ELK3: variants seen among roughly 807,000 people sequenced by gnomAD.
The protein encoded by ELK3 is ETS domain-containing protein Elk-3.
ELK3 carries 10 observed loss-of-function variants against 28.9 expected under a neutral mutation model. The observed-to-expected ratio is 0.35, with a 90% CI of 0.21 to 0.59. The LOEUF (loss-of-function observed/expected upper bound fraction) is 0.59. Among genes scored for constraint, ELK3 ranks in the 20% least tolerant of loss-of-function variants. The pLI is 0.82. For missense variants in ELK3, 463 were observed against 517.3 expected (o/e 0.90, Z 1.02); for synonymous variants, 272 against 243.5 (o/e 1.12, Z -1.09).
chr12:96,213,188 T>G (rs1592672537), intron 1 of ELK3, among the ~76,000 whole-genome samples: 1 of 152,248 alleles, frequency 6.6e-6, no homozygotes, highest in Admixed American at 6.5e-5. Flanking sequence ...GCCATGCTTT[T>G]TCCACACACC....
intron 2 of ELK3, among the ~76,000 whole-genome samples, chr12:96,230,799 G>A (rs1592680232): frequency 6.6e-6 from 1 of 152,238 alleles, no homozygotes; most frequent in Non-Finnish European, 1.5e-5. Context: ...ATCTACAGTT[G>A]TGCGGAGTGC....
intron 3 of ELK3, among the ~76,000 whole-genome samples, chr12:96,249,488 G>C (rs1379329141): frequency 6.6e-6 from 1 of 152,116 alleles, no homozygotes; most frequent in African/African-American, 2.4e-5. Flanking sequence ...AGTGACCAAG[G>C]GCTGCTGAGC....
chr12:96,195,895 A>ACCCT (rs1165590261), intron 1 of ELK3, among the ~76,000 whole-genome samples: 12 of 50,938 alleles, frequency 2.4e-4, no homozygotes, highest in South Asian at 8.4e-4. Flanking sequence ...GCCCCCTCCC[A>ACCCT]CCCTCCCTCA....
intron 1 of ELK3, among the ~76,000 whole-genome samples, chr12:96,209,730 T>C (rs1951564053): frequency 6.6e-6 from 1 of 152,188 alleles, no homozygotes; most frequent in African/African-American, 2.4e-5. Flanking sequence ...GTTCCATCCT[T>C]ATTATAAAGA....
At chr12:96,215,425 CAG>C (rs964157480) in intron 1 of ELK3, among the ~76,000 whole-genome samples, 4 of 152,216 alleles carry the variant, frequency 2.6e-5, no homozygotes, top group South Asian at 2.1e-4. Context: ...TTTTCGGTGA[CAG>C]AGGCAGGAGG....
intron 1 of ELK3, chr12:96,213,794 C>T (rs1951592018): frequency 6.6e-6 from 1 of 151,912 alleles, no homozygotes; most frequent in African/African-American, 2.4e-5. Flanking sequence ...GATGTGATCA[C>T]AGCTCACTGC....
chr12:96,253,811 T>C (rs1383652835), intron 3 of ELK3, among the ~76,000 whole-genome samples: 1 of 152,248 alleles, frequency 6.6e-6, no homozygotes, highest in African/African-American at 2.4e-5. Flanking sequence ...TTATCATGTA[T>C]TCATTCATTT....
rs535078709 is a variant in ELK3, at chr12:96,266,737, T to C, written c.1126-345T>C. Reference sequence around the variant, plus strand: ...TCTTTTAATATTTAATATTAAACATTATTTTAATATTTATAGCATTATCAG... The same window carrying C: ...TCTTTTAATATTTAATATTAAACATCATTTTAATATTTATAGCATTATCAG... On this transcript the variant is annotated intron_variant, in intron 4 of 4. Transcript: ENST00000228741. Among the ~76,000 whole-genome samples the C allele has an allele frequency of 1.1e-4, 16 of 152,286 alleles. No homozygotes were observed. The South Asian group carries it at 3.3e-3, about 32-fold the overall frequency.
At chr12:96,232,313 G>A (rs530839066) in intron 2 of ELK3, among the ~76,000 whole-genome samples, 37 of 152,304 alleles carry the variant, frequency 2.4e-4, no homozygotes, top group African/African-American at 8.4e-4. Flanking sequence ...GCTCACGCCT[G>A]CAATCCCAGC....
At chr12:96,224,648 G>A (rs61938853) in intron 2 of ELK3, among the ~76,000 whole-genome samples, 2 of 152,214 alleles carry the variant, frequency 1.3e-5, no homozygotes, top group African/African-American at 2.4e-5. Context: ...TGGAAAAGCA[G>A]TTTTAATGTG....
At chr12:96,221,851 T>C (rs1592676673) in intron 1 of ELK3, among the ~76,000 whole-genome samples, 2 of 152,224 alleles carry the variant, frequency 1.3e-5, no homozygotes, top group East Asian at 3.9e-4. Context: ...GCCCTGTGGG[T>C]AATTGGAGAG....
chr12:96,238,091 T>G lies in ELK3; in HGVS notation c.208-8849T>G, dbSNP rs1013071246. On this transcript the variant is annotated intron_variant, in intron 2 of 4. Coordinates refer to ENST00000228741, the MANE Select transcript of ELK3 (RefSeq NM_005230.4). ...TGTGAGGCTAACATGAGATTTTGTG[T>G]GAGCCTTCTGTAAACTGTAAAGTAA... 2.0e-5 allele frequency among the ~76,000 whole-genome samples: 3 copies of G among 152,208 alleles called. No individual in the cohort carries two copies. The East Asian group carries it at 5.8e-4, about 29-fold the overall frequency.
At chr12:96,244,243 T>C (rs1254373903) in intron 2 of ELK3, among the ~76,000 whole-genome samples, 1 of 152,120 alleles carries the variant, frequency 6.6e-6, no homozygotes, top group Non-Finnish European at 1.5e-5. Flanking sequence ...TGCTGGTTGG[T>C]GGACAGGTGG....
chr12:96,221,769 T>C (rs1298400233), intron 1 of ELK3, among the ~76,000 whole-genome samples: 5 of 152,218 alleles, frequency 3.3e-5, no homozygotes, highest in Non-Finnish European at 7.3e-5. Context: ...GTGAAATGAC[T>C]GTCTTACAGA....
intron 4 of ELK3, among the ~76,000 whole-genome samples, chr12:96,265,402 C>T (rs1163463425): frequency 6.6e-6 from 1 of 152,216 alleles, no homozygotes; most frequent in African/African-American, 2.4e-5. Context: ...AATGAAAATG[C>T]AGGCTGGGCA....
intron 4 of ELK3, among the ~76,000 whole-genome samples, chr12:96,262,932 C>T (rs150408096): frequency 1.1e-3 from 168 of 151,966 alleles, no homozygotes; most frequent in East Asian, 6.4e-3. Context: ...GGACTACAGG[C>T]ATACCACCAC....
chr12:96,262,798 C>A (rs1364874743), intron 4 of ELK3, among the ~76,000 whole-genome samples: 1 of 151,808 alleles, frequency 6.6e-6, no homozygotes, highest in Non-Finnish European at 1.5e-5. Flanking sequence ...TCAGCAGTGC[C>A]TCTTATTTTT....
At chr12:96,203,064 G>A (rs1432316511) in intron 1 of ELK3, among the ~76,000 whole-genome samples, 1 of 151,502 alleles carries the variant, frequency 6.6e-6, no homozygotes, top group Non-Finnish European at 1.5e-5. Flanking sequence ...TGTATTTTTA[G>A]TAGAGACGGG....
chr12:96,230,341 C>T (rs758717451), intron 2 of ELK3, among the ~76,000 whole-genome samples: 63 of 152,248 alleles, frequency 4.1e-4, no homozygotes, highest in Non-Finnish European at 6.5e-4. Flanking sequence ...GTAGCCTCAT[C>T]GTTAAGTGAT....
Sources: allele counts gnomAD v4.1 joint callset (sites outside exome capture counted in the v4.1 genomes callset), GRCh38; gene constraint gnomAD v4.1.1; transcripts MANE v1.5; gene names NCBI Gene and HGNC (gene_info 2026-07-23, HGNC 2026-07-21).